Variants in NPAS3 observed in about 807,000 individuals in gnomAD.
NPAS3 encodes the protein neuronal PAS domain-containing protein 3.
NPAS3 carries 14 observed loss-of-function variants against 73.1 expected under a neutral mutation model. That is an observed-to-expected ratio of 0.19 (90% CI 0.13 to 0.30). The LOEUF is 0.30. NPAS3 is among the 10% of genes least tolerant of loss of function. NPAS3 has a pLI of 1.00. For missense variants in NPAS3, 1,096 were observed against 1,250.0 expected, an observed-to-expected ratio of 0.88 and a Z score of 1.86; for synonymous variants, 620 against 541.5, an observed-to-expected ratio of 1.14 and a Z score of -2.01.
chr14:33,410,707 A>C (rs2047884605), intron 4 of NPAS3, among the ~76,000 whole-genome samples: 1 of 152,124 alleles, frequency 6.6e-6, no homozygotes, highest in African/African-American at 2.4e-5. Context: ...GTGCAATGGC[A>C]CAATCTTGAC....
chr14:33,171,657 C>A (rs1390472036), intron 2 of NPAS3, among the ~76,000 whole-genome samples: 1 of 152,200 alleles, frequency 6.6e-6, no homozygotes, highest in Non-Finnish European at 1.5e-5. Flanking sequence ...CTAAAACTTT[C>A]TCCCTGTCAG....
intron 1 of NPAS3, among the ~76,000 whole-genome samples, chr14:32,992,141 A>G (rs1163427227): frequency 6.6e-6 from 1 of 152,212 alleles, no homozygotes; most frequent in African/African-American, 2.4e-5. Context: ...TGGACTGGTC[A>G]GTAAACTGGA....
At chr14:33,758,861 T>C (rs531144050) in intron 7 of NPAS3, among the ~76,000 whole-genome samples, 2 of 152,344 alleles carry the variant, frequency 1.3e-5, no homozygotes, top group South Asian at 4.1e-4. Flanking sequence ...AATTTCCTGG[T>C]AACCCAGGCT....
At chr14:33,457,957 A>C (rs1247016883) in intron 4 of NPAS3, among the ~76,000 whole-genome samples, 1 of 152,190 alleles carries the variant, frequency 6.6e-6, no homozygotes, top group African/African-American at 2.4e-5. Context: ...ACTAAATAAG[A>C]CAGTGGAAAC....
chr14:33,261,770 T>C (rs1207325382), intron 3 of NPAS3, among the ~76,000 whole-genome samples: 2 of 152,166 alleles, frequency 1.3e-5, no homozygotes, highest in Non-Finnish European at 2.9e-5. Flanking sequence ...GTTTTATTTC[T>C]ATTTTAATGT....
chr14:33,276,216 G>A (rs2041322309), intron 3 of NPAS3, among the ~76,000 whole-genome samples: 1 of 152,240 alleles, frequency 6.6e-6, no homozygotes, highest in South Asian at 2.1e-4. Flanking sequence ...TACTATTTCT[G>A]TGACTTGCAA....
At chr14:33,146,657 A>C (rs1330561022) in intron 2 of NPAS3, among the ~76,000 whole-genome samples, 2 of 152,226 alleles carry the variant, frequency 1.3e-5, no homozygotes, top group Non-Finnish European at 2.9e-5. Context: ...GAGAGGCTGA[A>C]GTGGTTTATC....
rs144638285 is a variant in NPAS3, at chr14:32,992,157, A to T, written c.50+52791A>T. On this transcript the variant is annotated intron_variant, in intron 1 of 11. Transcript: ENST00000356141. Reference sequence around the variant, plus strand: ...GGACTGGTCAGTAAACTGGACTCCTAAAAGTCTGTTAACCAAAGCTGCTCC... The same window carrying T: ...GGACTGGTCAGTAAACTGGACTCCTTAAAGTCTGTTAACCAAAGCTGCTCC... 4.0e-3 allele frequency among the ~76,000 whole-genome samples: 611 copies of T among 152,278 alleles called. 1 individual carries two copies. The highest frequency in any genetic ancestry group is 0.01 in the Middle Eastern group (3 of 294).
At chr14:33,648,969 T>C (rs117278046) in intron 5 of NPAS3, among the ~76,000 whole-genome samples, 1 of 152,276 alleles carries the variant, frequency 6.6e-6, no homozygotes, top group Non-Finnish European at 1.5e-5. Flanking sequence ...GCAGTTTTCC[T>C]CTGTTGAGGA....
At chr14:33,591,722 C>T (rs968711153) in intron 5 of NPAS3, among the ~76,000 whole-genome samples, 1 of 152,170 alleles carries the variant, frequency 6.6e-6, no homozygotes, top group Non-Finnish European at 1.5e-5. Context: ...GTCATCACTG[C>T]AGTTTACCTA....
chr14:33,419,478 T>C (rs1013533821), intron 4 of NPAS3, among the ~76,000 whole-genome samples: 2 of 151,970 alleles, frequency 1.3e-5, no homozygotes, highest in South Asian at 2.1e-4. Flanking sequence ...AAAATATCTT[T>C]ATGTAGTTCT....
chr14:33,756,613 A>ATT (rs2062123690), intron 7 of NPAS3, among the ~76,000 whole-genome samples: 1 of 152,238 alleles, frequency 6.6e-6, no homozygotes, highest in South Asian at 2.1e-4. Flanking sequence ...TATTTACAGA[A>ATT]AGGAGATACT....
intron 5 of NPAS3, among the ~76,000 whole-genome samples, chr14:33,666,743 T>TTTAA (rs1280583890): frequency 6.6e-6 from 1 of 152,238 alleles, no homozygotes; most frequent in African/African-American, 2.4e-5. Flanking sequence ...CTATGTTTCT[T>TTTAA]TTAATTAATT....
intron 2 of NPAS3, among the ~76,000 whole-genome samples, chr14:33,109,240 C>T (rs2042814852): frequency 6.6e-6 from 1 of 152,078 alleles, no homozygotes; most frequent in Non-Finnish European, 1.5e-5. Flanking sequence ...CTGATTCCAG[C>T]AAATAGAAAT....
chr14:33,791,052 G>A (rs1244595112), intron 9 of NPAS3, among the ~76,000 whole-genome samples: 4 of 152,188 alleles, frequency 2.6e-5, no homozygotes, highest in Non-Finnish European at 2.9e-5. Flanking sequence ...ACTGGCGCTT[G>A]GGGGTCTCAT....
At chr14:32,940,637 C>A (rs1215482294) in intron 1 of NPAS3, among the ~76,000 whole-genome samples, 1 of 152,176 alleles carries the variant, frequency 6.6e-6, no homozygotes, top group African/African-American at 2.4e-5. Flanking sequence ...CTTAAGTGAA[C>A]TTGAAAAGAA....
At chr14:33,171,291 T>C (rs2045378866) in intron 2 of NPAS3, among the ~76,000 whole-genome samples, 1 of 152,336 alleles carries the variant, frequency 6.6e-6, no homozygotes, top group African/African-American at 2.4e-5. Flanking sequence ...CCAGCCTTCG[T>C]CGTTCCATTC....
In NPAS3 at chr14:32,956,947, C is replaced by T. The variant is rs568302414; in HGVS notation, c.50+17581C>T. The stretch of plus-strand genomic sequence containing the variant: ...AATATTGAAAACTCAATCTATTGGC[C>T]AAAACCTTTCTATTTTTCCAGTGAG... On this transcript the variant is annotated intron_variant, in intron 1 of 11. Coordinates refer to ENST00000356141, the Ensembl canonical transcript of NPAS3. Among the ~76,000 whole-genome samples, 14 of 152,184 alleles carry T rather than the reference C, an allele frequency of 9.2e-5. No individual in the cohort carries two copies. In the South Asian group the frequency reaches 2.9e-3, roughly 32 times the overall value.
At chr14:33,442,493 A>G (rs1047919097) in intron 4 of NPAS3, among the ~76,000 whole-genome samples, 3 of 152,184 alleles carry the variant, frequency 2.0e-5, no homozygotes, top group Non-Finnish European at 2.9e-5. Context: ...ATTGAATTGT[A>G]GTTCCCATAA....
Sources: gnomAD v4.1 joint callset for allele counts (sites outside exome capture counted in the v4.1 genomes callset) on GRCh38, gnomAD v4.1.1 for gene constraint, MANE v1.5 for transcripts, NCBI Gene and HGNC (gene_info 2026-07-23, HGNC 2026-07-21) for gene names.